The following PRXL2C variants were observed in gnomAD, a reference collection of about 807,000 sequenced individuals.
PRXL2C encodes peroxiredoxin-like 2C.
In PRXL2C, 38 loss-of-function variants were observed where a neutral mutation model predicts 24.9. The observed-to-expected ratio is 1.53, with a 90% CI of 1.18 to 2.00. The LOEUF (loss-of-function observed/expected upper bound fraction) is 2.00. PRXL2C is among the 30% of genes most tolerant of loss of function. The pLI, the probability that PRXL2C is intolerant of heterozygous loss-of-function variation, is 0.00. For synonymous variants in PRXL2C, 98 were observed against 117.2 expected, an observed-to-expected ratio of 0.84 and a Z score of 1.06; for missense variants, 294 against 290.9, an observed-to-expected ratio of 1.01 and a Z score of -0.08.
intron 2 of PRXL2C, among the ~76,000 whole-genome samples, chr9:96,652,967 C>G (rs938872953): frequency 9.9e-5 from 15 of 152,148 alleles, no homozygotes; most frequent in African/African-American, 3.4e-4. Flanking sequence ...GTGGCTCACG[C>G]CTGTAATCCC....
At chr9:96,651,123 A>T (rs1848259185) in intron 4 of PRXL2C, among the ~76,000 whole-genome samples, 1 of 152,088 alleles carries the variant, frequency 6.6e-6, no homozygotes, top group African/African-American at 2.4e-5. Flanking sequence ...CTAAAAATAT[A>T]AAAAATTAGC....
At chr9:96,648,939 A>T (rs752519389) in intron 4 of PRXL2C, among the ~76,000 whole-genome samples, 17 of 151,998 alleles carry the variant, frequency 1.1e-4, no homozygotes, top group Non-Finnish European at 2.4e-4. Flanking sequence ...ACACCGGGCT[A>T]ATTTCATATT....
intron 1 of PRXL2C, 67 bp downstream of exon 1, chr9:96,655,023 C>A: frequency 7.1e-7 from 1 of 1,411,802 alleles, no homozygotes; most frequent in Non-Finnish European, 9.2e-7. Context: ...GGAGGCGCGG[C>A]TCGCATCCCG....
At chr9:96,646,947 C>T (rs1302045558) in intron 4 of PRXL2C, among the ~76,000 whole-genome samples, 1 of 152,154 alleles carries the variant, frequency 6.6e-6, no homozygotes, top group Non-Finnish European at 1.5e-5. Context: ...TGTGCCACCA[C>T]GCCCGGCTAG....
rs902703168 is a variant in PRXL2C at position 96,641,527 on chromosome 9, C to T, written c.*232G>A. The T allele has an allele frequency of 3.1e-6, 1 of 327,432 alleles. No homozygotes were observed. The highest frequency in any genetic ancestry group is 4.9e-5 in the East Asian group (1 of 20,602). The allele number at this position is 327,432 out of a possible 1,614,324, so 20.3% of individuals were successfully genotyped here. A position where few individuals can be genotyped will look rare whatever the true frequency, so the allele number is the denominator to read the frequency against. On this transcript the variant is annotated 3_prime_UTR_variant, in exon 6 of 6. Coordinates refer to ENST00000375234, the MANE Select transcript of PRXL2C (RefSeq NM_153698.2). ...CTTTTAAAGTTATATTTTGTATATT[C>T]ATTTTTTTTGTATAAAATGTTAAAA...
At chr9:96,649,963 G>A (rs959508476) in intron 4 of PRXL2C, among the ~76,000 whole-genome samples, 6 of 152,144 alleles carry the variant, frequency 3.9e-5, no homozygotes, top group African/African-American at 1.4e-4. Context: ...TTCTGAAGGA[G>A]TCATGTTTTC....
At position 96,655,310 on chromosome 9, in the gene PRXL2C, G is replaced by T; in HGVS notation, c.-29C>A. On this transcript the variant is annotated 5_prime_UTR_variant, in exon 1 of 6. Coordinates refer to ENST00000375234, the MANE Select transcript of PRXL2C (RefSeq NM_153698.2). ...GCGGGGCGGCCGAGGGCCTGGGTCC[G>T]CTCTGTCAGCGCGGACCGGGGCGGG... The T allele has an allele frequency of 9.7e-7, 1 of 1,035,968 alleles. No individual in the cohort carries two copies. Among genetic ancestry groups the T allele is most frequent in the Non-Finnish European group, 1.2e-6 (1 of 862,750 alleles). 64.2% of individuals were successfully genotyped at this position (1,035,968 alleles called of 1,614,324 possible).
chr9:96,651,342 T>G, intron 4 of PRXL2C, 48 bp downstream of exon 4: 1 of 1,352,980 alleles, frequency 7.4e-7, no homozygotes, highest in South Asian at 1.3e-5. Context: ...TACACAAATA[T>G]GAACATACAC....
In PRXL2C at chr9:96,646,017, G is replaced by T. The variant is rs774838072; in HGVS notation, c.429C>A (p.Ser143Arg). The change falls in exon 5 of 6, where the codon AGC (serine) becomes AGA (arginine). Residue 143 changes from serine to arginine, a missense_variant. Ser to Arg is a moderately radical substitution (Grantham distance 110, BLOSUM62 -1). Transcript: ENST00000375234. ...AGAGTAGATTTGATTTTATGTGGGG[G>T]CTCTGTCCTGAAATGTCGAAAATTG... ...RGEEIASSGQSPHIKSNLLSG... is the reference protein window; with the variant it reads ...RGEEIASSGQRPHIKSNLLSG... The T allele has an allele frequency of 1.9e-6, 3 of 1,608,790 alleles. No homozygotes were observed. Among genetic ancestry groups the T allele is most frequent in the Non-Finnish European group, 2.5e-6 (3 of 1,178,180 alleles).
In PRXL2C at chr9:96,655,159, G is replaced by C; in HGVS notation, c.123C>G (p.Asp41Glu). 7.9e-7 allele frequency: 1 copy of C among 1,260,182 alleles called. No homozygotes were observed. 78.1% of individuals were successfully genotyped at this position (1,260,182 alleles called of 1,614,324 possible). ...AAAVAELPVL[D>E]ARGQRVPFGA... ...CGAACGGTACCCGCTGCCCGCGGGC[G>C]TCCAGCACCGGCAGCTCGGCCACGG... The change falls in exon 1 of 6, where the codon GAC becomes GAG. Residue 41 changes from aspartate to glutamate, a missense_variant. Physicochemically the swap from Asp to Glu is conservative, Grantham distance 45 (BLOSUM62 2). Coordinates refer to ENST00000375234, the MANE Select transcript of PRXL2C (RefSeq NM_153698.2).
chr9:96,645,205 G>A (rs151076218), intron 5 of PRXL2C, among the ~76,000 whole-genome samples: 6 of 151,296 alleles, frequency 4.0e-5, no homozygotes, highest in South Asian at 2.1e-4. Flanking sequence ...CACCGCGCCC[G>A]GCTGGATTCT....
At chr9:96,642,193 C>G (rs1224995187) in intron 5 of PRXL2C, among the ~76,000 whole-genome samples, 2 of 152,040 alleles carry the variant, frequency 1.3e-5, no homozygotes, top group East Asian at 3.9e-4. Flanking sequence ...GTCAGACGGG[C>G]AGAATACGGA....
In PRXL2C at chr9:96,655,309, C is replaced by G. The variant is rs1265954443; in HGVS notation, c.-28G>C. The G allele has an allele frequency of 9.7e-6, 10 of 1,035,094 alleles. No homozygotes were observed. In the African/African-American group the frequency reaches 1.4e-4, roughly 14 times the overall value. The allele number at this position is 1,035,094 out of a possible 1,614,324, so 64.1% of individuals were successfully genotyped here. On this transcript the variant is annotated 5_prime_UTR_variant, in exon 1 of 6. Coordinates refer to ENST00000375234, the MANE Select transcript of PRXL2C (RefSeq NM_153698.2). ...CGCGGGGCGGCCGAGGGCCTGGGTC[C>G]GCTCTGTCAGCGCGGACCGGGGCGG... is the stretch of plus-strand genomic sequence containing the variant.
At chr9:96,643,811 A>G (rs1386344836) in intron 5 of PRXL2C, among the ~76,000 whole-genome samples, 2 of 152,126 alleles carry the variant, frequency 1.3e-5, no homozygotes, top group Non-Finnish European at 2.9e-5. Context: ...CCCAAAAATC[A>G]TATTACTCAG....
At position 96,651,458 on chromosome 9, in the gene PRXL2C, T is replaced by C. The variant is rs778246632; in HGVS notation, c.353A>G (p.Tyr118Cys). ...CKLTGYSHEIYVDPEREIYKR... is the reference protein window; with the variant it reads ...CKLTGYSHEICVDPEREIYKR... ...ATAAATTTCTCTCTCAGGATCGACA[T>C]AGATTTCATGAGAATATCCAGTCAG... Residue 118 changes from tyrosine to cysteine, a missense_variant, in exon 4 of 6, where the codon TAT becomes TGT. By Grantham distance (194) the Tyr-to-Cys change is radical (BLOSUM62 -2). Coordinates refer to ENST00000375234, the MANE Select transcript of PRXL2C (RefSeq NM_153698.2). 22 of 1,612,928 alleles carry C rather than the reference T, an allele frequency of 1.4e-5. No individual in the cohort carries two copies. Among genetic ancestry groups the C allele is most frequent in the African/African-American group, 1.2e-4 (9 of 74,906 alleles).
At chr9:96,652,983 T>C (rs751050709) in intron 2 of PRXL2C, among the ~76,000 whole-genome samples, 1 of 151,998 alleles carries the variant, frequency 6.6e-6, no homozygotes, top group Non-Finnish European at 1.5e-5. Flanking sequence ...ATCCCAGCAC[T>C]TTGGGAGGCC....
chr9:96,654,567 T>C, intron 2 of PRXL2C, 138 bp downstream of exon 2: 1 of 721,898 alleles, frequency 1.4e-6, no homozygotes, highest in Non-Finnish European at 2.3e-6. Context: ...CTCACTCCTT[T>C]TGGAGGGGCG....
intron 2 of PRXL2C, among the ~76,000 whole-genome samples, chr9:96,654,486 C>T (rs1482478161): frequency 2.0e-5 from 3 of 152,230 alleles, no homozygotes; most frequent in Non-Finnish European, 4.4e-5. Context: ...TACCAGGCAA[C>T]ACCACAATTG....
chr9:96,653,445 G>C (rs983876474), intron 2 of PRXL2C, among the ~76,000 whole-genome samples: 1 of 152,106 alleles, frequency 6.6e-6, no homozygotes, highest in Non-Finnish European at 1.5e-5. Context: ...GTTACTCAGG[G>C]ATAAGGAAAA....
Sources: gnomAD v4.1 joint callset for allele counts (sites outside exome capture counted in the v4.1 genomes callset) on GRCh38, gnomAD v4.1.1 for gene constraint, MANE v1.5 for transcripts, NCBI Gene and HGNC (gene_info 2026-07-23, HGNC 2026-07-21) for gene names.